Variants in GLRB observed in about 807,000 individuals in gnomAD.
GLRB encodes the protein glycine receptor subunit beta.
A neutral mutation model predicts 54.2 loss-of-function variants in GLRB; 33 were observed. The ratio of observed to expected loss-of-function variants is 0.61; its 90% CI spans 0.46 to 0.81. The LOEUF (loss-of-function observed/expected upper bound fraction) is 0.81, where lower values mean the gene tolerates loss of function less well. Ranked by LOEUF, GLRB falls within the 40% of genes least tolerant of loss-of-function variation. GLRB has a pLI of 0.00. For synonymous variants in GLRB, 209 were observed against 208.2 expected, an observed-to-expected ratio of 1.00 and a Z score of -0.03; for missense variants, 572 against 584.6, an observed-to-expected ratio of 0.98 and a Z score of 0.22.
rs1053763362 is a variant in GLRB, at chr4:157,170,649, G to A, written c.1415G>A (p.Arg472Gln). ...CCTGTTATTCCAACAGCAGCAAAGC[G>A]AATTGATCTTTATGCAAGAGCATTG... is the stretch of plus-strand genomic sequence containing the variant. ...AKPVIPTAAK[R>Q]IDLYARALFP... The change falls in exon 10 of 10, where the codon CGA (arginine) becomes CAA (glutamine). Residue 472 changes from arginine (R) to glutamine (Q), a missense_variant. By Grantham distance (43) the Arg-to-Gln change is conservative. Coordinates refer to ENST00000264428, the MANE Select transcript of GLRB (RefSeq NM_000824.5). The A allele has an allele frequency of 3.6e-5, 58 of 1,610,572 alleles. No individual in the cohort carries two copies. Among genetic ancestry groups the A allele is most frequent in the Non-Finnish European group, 4.7e-5 (55 of 1,177,472 alleles).
At position 157,149,083 on chromosome 4, in the gene GLRB, A is replaced by T. The variant is rs546793805; in HGVS notation, c.905-3635A>T. Among the ~76,000 whole-genome samples, 8 of 152,132 alleles carry T rather than the reference A, an allele frequency of 5.3e-5. No homozygotes were observed. The East Asian group carries it at 1.5e-3, about 29-fold the overall frequency. ...GTTTTGATTCTGCATATCTTTCCTT[A>T]CTCTACTATTTTTCCCCTACATTCT... On this transcript the variant is annotated intron_variant, in intron 8 of 9. Transcript: ENST00000264428.
intron 2 of GLRB, among the ~76,000 whole-genome samples, chr4:157,083,912 A>C (rs2126427979): frequency 6.6e-6 from 1 of 152,302 alleles, no homozygotes; most frequent in Admixed American, 6.5e-5. Context: ...AAGCTACTAT[A>C]ATTTTCAAGA....
intron 9 of GLRB, among the ~76,000 whole-genome samples, chr4:157,155,926 A>G (rs747776471): frequency 2.0e-5 from 3 of 151,838 alleles, no homozygotes; most frequent in Admixed American, 6.5e-5. Flanking sequence ...GATAACACAA[A>G]TGCTAGATTT....
chr4:157,155,581 T>C (rs188725399), intron 9 of GLRB, among the ~76,000 whole-genome samples: 2 of 152,350 alleles, frequency 1.3e-5, no homozygotes, highest in East Asian at 3.9e-4. Flanking sequence ...CTATATGCAT[T>C]TCTTTTAGCG....
chr4:157,119,170 T>C (rs1412819716), intron 2 of GLRB, among the ~76,000 whole-genome samples: 1 of 151,624 alleles, frequency 6.6e-6, no homozygotes, highest in Non-Finnish European at 1.5e-5. Context: ...CAAATATATA[T>C]AGAAAAGCAA....
intron 2 of GLRB, among the ~76,000 whole-genome samples, chr4:157,110,796 G>C (rs2126506144): frequency 6.6e-6 from 1 of 152,092 alleles, no homozygotes; most frequent in Non-Finnish European, 1.5e-5. Context: ...AACCTGGCCA[G>C]TTTCTGTGTG....
At position 157,138,942 on chromosome 4, in the gene GLRB, A is replaced by C; in HGVS notation, c.744A>C (p.Lys248Asn). Residue 248 changes from lysine (K) to asparagine (N), a missense_variant, in exon 7 of 10, where the codon AAA becomes AAC. Physicochemically the swap from Lys to Asn is moderately conservative, Grantham distance 94 (BLOSUM62 0). Coordinates refer to ENST00000264428, the MANE Select transcript of GLRB (RefSeq NM_000824.5). ...IEYGNCTKYYKGTGYYTCVEV... is the reference protein window; with the variant it reads ...IEYGNCTKYYNGTGYYTCVEV... ...ATGGTAACTGTACAAAATACTATAAAGGCACGGGTAAGTAATATTCTTTAA... is the reference window on the plus strand; with the variant it reads ...ATGGTAACTGTACAAAATACTATAACGGCACGGGTAAGTAATATTCTTTAA... 1 of 1,414,804 alleles carries C rather than the reference A, an allele frequency of 7.1e-7. No individual in the cohort carries two copies. Among genetic ancestry groups the C allele is most frequent in the South Asian group, 1.2e-5 (1 of 86,138 alleles). The allele number at this position is 1,414,804 out of a possible 1,614,324, so 87.6% of individuals were successfully genotyped here. A position where few individuals can be genotyped will look rare whatever the true frequency, so the allele number is the denominator to read the frequency against.
At chr4:157,133,901 C>T (rs1012714938) in intron 4 of GLRB, among the ~76,000 whole-genome samples, 3 of 151,798 alleles carry the variant, frequency 2.0e-5, no homozygotes, top group Admixed American at 2.0e-4. Flanking sequence ...ATTAAAATTC[C>T]TAAAGAAATT....
At position 157,136,513 on chromosome 4, in the gene GLRB, C is replaced by A; in HGVS notation, c.342C>A (p.Pro114=). ...TCCTGAGACAAAAATGGAATGACCC[C>A]AGGCTGAAGCTCCCCAGTGATTTTA... The part of the protein sequence containing the change: ...NIFLRQKWND[P]RLKLPSDFRG... Residue 114 remains proline, a synonymous_variant, in exon 5 of 10, where the codon CCC becomes CCA. Coordinates refer to ENST00000264428, the MANE Select transcript of GLRB (RefSeq NM_000824.5). 1 of 1,612,910 alleles carries A rather than the reference C, an allele frequency of 6.2e-7. No individual in the cohort carries two copies. The highest frequency in any genetic ancestry group is 8.5e-7 in the Non-Finnish European group (1 of 1,178,990).
At chr4:157,110,855 C>G (rs1026337620) in intron 2 of GLRB, among the ~76,000 whole-genome samples, 1 of 151,968 alleles carries the variant, frequency 6.6e-6, no homozygotes, top group Non-Finnish European at 1.5e-5. Context: ...TTTAAAGTGG[C>G]TCCCAGGTGT....
At chr4:157,148,799 T>A (rs2126593953) in intron 8 of GLRB, among the ~76,000 whole-genome samples, 1 of 151,598 alleles carries the variant, frequency 6.6e-6, no homozygotes, top group East Asian at 1.9e-4. Flanking sequence ...GCACGTGCAG[T>A]GTGTATTAGT....
intron 4 of GLRB, among the ~76,000 whole-genome samples, chr4:157,129,820 T>C (rs1209760620): frequency 1.3e-5 from 2 of 151,550 alleles, no homozygotes; most frequent in Non-Finnish European, 3.0e-5. Context: ...TAGGAGATGC[T>C]AAAAAATGTG....
At chr4:157,167,105 T>C (rs1737738912) in intron 9 of GLRB, among the ~76,000 whole-genome samples, 1 of 152,174 alleles carries the variant, frequency 6.6e-6, no homozygotes, top group South Asian at 2.1e-4. Flanking sequence ...CCATTAAGTC[T>C]ATAGGCAGAA....
At chr4:157,087,143 G>C (rs546849422) in intron 2 of GLRB, among the ~76,000 whole-genome samples, 1 of 152,244 alleles carries the variant, frequency 6.6e-6, no homozygotes, top group African/African-American at 2.4e-5. Context: ...TAAATGGATA[G>C]CTGATGATAT....
At chr4:157,152,697 T>C (rs768979294) in intron 8 of GLRB, 21 bp from the exon 9 acceptor site, 1 of 1,607,826 alleles carries the variant, frequency 6.2e-7, no homozygotes, top group African/African-American at 1.3e-5. Flanking sequence ...GCAACTTTCA[T>C]TCCTCTTTCT....
At chr4:157,142,248 A>C (rs913360561) in intron 7 of GLRB, among the ~76,000 whole-genome samples, 2 of 152,100 alleles carry the variant, frequency 1.3e-5, no homozygotes, top group African/African-American at 4.8e-5. Context: ...GAGATTTTTC[A>C]TTGTTATGTT....
In GLRB at chr4:157,143,942, C is replaced by T; in HGVS notation, c.887C>T (p.Ala296Val). ...LSFWINPDAS[A>V]ARVPLGIFSV... ...TTCTGGATCAACCCGGACGCGAGTG[C>T]TGCCAGAGTGCCCCTGGGTAAGGTG... Residue 296 changes from alanine to valine, a missense_variant, in exon 8 of 10, where the codon GCT (alanine) becomes GTT (valine). Ala to Val is a moderately conservative substitution (Grantham distance 64). Coordinates refer to ENST00000264428, the MANE Select transcript of GLRB (RefSeq NM_000824.5). The T allele has an allele frequency of 3.1e-6, 5 of 1,614,022 alleles. No homozygotes were observed. Among genetic ancestry groups the T allele is most frequent in the Non-Finnish European group, 4.2e-6 (5 of 1,179,962 alleles).
At chr4:157,135,801 C>T (rs562614391) in intron 4 of GLRB, among the ~76,000 whole-genome samples, 8 of 152,134 alleles carry the variant, frequency 5.3e-5, no homozygotes, top group Admixed American at 3.3e-4. Flanking sequence ...TTCAAAATAA[C>T]GTTAAGTGGC....
chr4:157,092,102 A>C (rs1734641077), intron 2 of GLRB, among the ~76,000 whole-genome samples: 1 of 152,212 alleles, frequency 6.6e-6, no homozygotes, highest in Admixed American at 6.5e-5. Flanking sequence ...ATCCTCAGAT[A>C]ATTCTTTTTG....
Sources: gnomAD v4.1 joint callset for allele counts (sites outside exome capture counted in the v4.1 genomes callset) on GRCh38, gnomAD v4.1.1 for gene constraint, MANE v1.5 for transcripts, NCBI Gene and HGNC (gene_info 2026-07-23, HGNC 2026-07-21) for gene names.